NCOA4: variants seen among roughly 807,000 people sequenced by gnomAD.
The protein encoded by NCOA4 is 70 kDa AR-activator.
Under a neutral mutation model 69.5 loss-of-function variants are expected in NCOA4, and 31 were observed. The ratio of observed to expected loss-of-function variants is 0.45; its 90% CI spans 0.34 to 0.60. The LOEUF (loss-of-function observed/expected upper bound fraction) is 0.60. Ranked by LOEUF, NCOA4 falls within the 20% of genes least tolerant of loss-of-function variation. The probability of loss-of-function intolerance (pLI) is 0.02; values close to 1 mark genes in which losing one functional copy is unlikely to be tolerated. For missense variants in NCOA4, 600 were observed against 719.2 expected (o/e 0.83, Z 1.90); for synonymous variants, 228 against 252.4 (o/e 0.90, Z 0.92).
intron 9 of NCOA4, 65 bp from the exon 10 acceptor site, chr10:46,006,662 C>T (rs1838834162): frequency 4.0e-6 from 6 of 1,504,150 alleles, no homozygotes; most frequent in Non-Finnish European, 4.6e-6. Flanking sequence ...TTTTCCCTGC[C>T]TTAAAGCTCC....
rs781793810 is a variant in NCOA4, at chr10:46,010,566, T to C, written c.1355A>G (p.Lys452Arg). ...CCACATATTCAGGGAATCTTTATGC[T>C]TCTCAGGCTCAGGTTTGGGTTCCAC... ...MPVEPKPEPE[K>R]HKDSLNMWLC... Residue 452 changes from lysine (K) to arginine (R), a missense_variant, in exon 8 of 10, where the codon AAG becomes AGG. Coordinates refer to ENST00000581486, the MANE Select transcript of NCOA4 (RefSeq NM_001145263.2). 5 of 1,614,208 alleles carry C rather than the reference T, an allele frequency of 3.1e-6. No individual in the cohort carries two copies. The Admixed American group carries it at 8.3e-5, about 27-fold the overall frequency.
At chr10:46,009,260 T>G in intron 9 of NCOA4, 151 bp downstream of exon 9, 1 of 1,496,292 alleles carries the variant, frequency 6.7e-7, no homozygotes, top group Non-Finnish European at 9.2e-7. Context: ...CAACTTTTTA[T>G]GAGCTCCCCC....
chr10:46,013,612 C>T lies in NCOA4; in HGVS notation c.508G>A (p.Ala170Thr). The T allele has an allele frequency of 6.2e-7, 1 of 1,613,298 alleles. No individual in the cohort carries two copies. Among genetic ancestry groups the T allele is most frequent in the Non-Finnish European group, 8.5e-7 (1 of 1,179,446 alleles). ...AAGGGCCCAATATTTGCTGAACTAG[C>T]ATGAGCCATCAAGTGCTCAGGAATT... ...IQIPEHLMAH[A>T]SSANIGPFLE... The change falls in exon 6 of 10, where the codon GCT becomes ACT. Residue 170 changes from alanine (A) to threonine (T), a missense_variant. Physicochemically the swap from Ala to Thr is moderately conservative, Grantham distance 58. Transcript: ENST00000581486.
intron 1 of NCOA4, among the ~76,000 whole-genome samples, chr10:46,026,251 G>A (rs1307766804): frequency 6.6e-6 from 1 of 152,090 alleles, no homozygotes; most frequent in Admixed American, 6.5e-5. Flanking sequence ...AGCTGGCAAG[G>A]GTGTTGCCAC....
intron 1 of NCOA4, among the ~76,000 whole-genome samples, chr10:46,018,423 T>TA (rs782419326): frequency 7.2e-5 from 11 of 152,326 alleles, no homozygotes; most frequent in Admixed American, 5.9e-4. Context: ...AAAAATAACT[T>TA]ACACACTATT....
chr10:46,017,840 A>G (rs1287117971), intron 1 of NCOA4, among the ~76,000 whole-genome samples: 1 of 152,240 alleles, frequency 6.6e-6, no homozygotes, highest in Admixed American at 6.5e-5. Flanking sequence ...AAAACTTGAC[A>G]AAAGCTACTG....
Position 46,009,072 on chromosome 10 carries a change from C to T in NCOA4, c.1839+339G>A. The T allele has an allele frequency of 2.6e-6, 3 of 1,169,840 alleles. No individual in the cohort carries two copies. In the South Asian group the frequency reaches 4.1e-5, roughly 16 times the overall value. The allele number at this position is 1,169,840 out of a possible 1,614,324, so 72.5% of individuals were successfully genotyped here. On this transcript the variant is annotated intron_variant, in intron 9 of 9. Coordinates refer to ENST00000581486, the MANE Select transcript of NCOA4 (RefSeq NM_001145263.2). The stretch of plus-strand genomic sequence containing the variant: ...ATGGGAAACCAAAGTATTTGTGTAG[C>T]TCTCTTTATTGGGATATTTGCTTTA...
chr10:46,013,049 T>TGTCA (rs781935832), intron 6 of NCOA4, 23 bp from the exon 7 acceptor site: 2 of 1,612,368 alleles, frequency 1.2e-6, no homozygotes, highest in South Asian at 2.2e-5. Flanking sequence ...AAACAAGGAA[T>TGTCA]GTCAAATGCA....
chr10:46,021,370 C>T (rs1554924334), intron 1 of NCOA4, among the ~76,000 whole-genome samples: 1 of 152,142 alleles, frequency 6.6e-6, no homozygotes, highest in African/African-American at 2.4e-5. Flanking sequence ...GCCACAAAAG[C>T]CCAGATAGTT....
At chr10:46,024,129 G>A (rs1840040250) in intron 1 of NCOA4, among the ~76,000 whole-genome samples, 1 of 152,130 alleles carries the variant, frequency 6.6e-6, no homozygotes, top group Admixed American at 6.5e-5. Context: ...TACAATTTCT[G>A]GGACCCCAAT....
chr10:46,015,346 CTT>C (rs1386727369), intron 2 of NCOA4, 80 bp from the exon 3 acceptor site: 4 of 372,780 alleles, frequency 1.1e-5, no homozygotes, highest in Non-Finnish European at 1.6e-5. Flanking sequence ...GTTTCTAAAA[CTT>C]TTTTTGGGGG....
Position 46,006,606 on chromosome 10 carries a change from A to G in NCOA4, c.1840-9T>C. The G allele has an allele frequency of 2.5e-6, 4 of 1,614,002 alleles. No homozygotes were observed. Among genetic ancestry groups the G allele is most frequent in the South Asian group, 2.2e-5 (2 of 91,068 alleles). On this transcript the variant is annotated splice_polypyrimidine_tract_variant and intron_variant, in intron 9 of 9. Coordinates refer to ENST00000581486, the MANE Select transcript of NCOA4 (RefSeq NM_001145263.2). Reference sequence around the variant, plus strand: ...TGTCCATTCCTTCACATCTGTAAAGAGACACCCACAGATGATAAGTTACTT... The same window carrying G: ...TGTCCATTCCTTCACATCTGTAAAGGGACACCCACAGATGATAAGTTACTT...
intron 6 of NCOA4, 65 bp downstream of exon 6, chr10:46,013,485 A>G: frequency 1.6e-6 from 2 of 1,215,788 alleles, no homozygotes; most frequent in East Asian, 2.3e-5. Flanking sequence ...TTAATGCTAT[A>G]TAAAACCCAA....
In NCOA4 at chr10:46,011,035, G is replaced by T; in HGVS notation, c.886C>A (p.Gln296Lys). 1 of 1,613,918 alleles carries T rather than the reference G, an allele frequency of 6.2e-7. No homozygotes were observed. The highest frequency in any genetic ancestry group is 8.5e-7 in the Non-Finnish European group (1 of 1,179,858). The change falls in exon 8 of 10, where the codon CAA becomes AAA. Residue 296 changes from glutamine (Q) to lysine (K), a missense_variant. Physicochemically the swap from Gln to Lys is moderately conservative, Grantham distance 53. Coordinates refer to ENST00000581486, the MANE Select transcript of NCOA4 (RefSeq NM_001145263.2). ...EKVGDQELPD[Q>K]DEMDLSDWLV... Reference sequence around the variant, plus strand: ...CAATCTGATAGGTCCATCTCATCTTGATCAGGAAGCTCTTGATCTCCAACC... The same window carrying T: ...CAATCTGATAGGTCCATCTCATCTTTATCAGGAAGCTCTTGATCTCCAACC...
Position 46,022,230 on chromosome 10 carries a change from A to G in NCOA4, c.-14-5536T>C, listed in dbSNP as rs544391308. Reference sequence around the variant, plus strand: ...TACTTATTTGCCTGGCATCCTAGTCATTGCTAAAAGGCCAAGCGCAGCATC... The same window carrying G: ...TACTTATTTGCCTGGCATCCTAGTCGTTGCTAAAAGGCCAAGCGCAGCATC... On this transcript the variant is annotated intron_variant, in intron 1 of 9. Coordinates refer to ENST00000581486, the MANE Select transcript of NCOA4 (RefSeq NM_001145263.2). 2.8e-3 allele frequency among the ~76,000 whole-genome samples: 431 copies of G among 152,190 alleles called. 4 individuals carry two copies. The highest frequency in any genetic ancestry group is 9.9e-3 in the African/African-American group (411 of 41,520).
chr10:46,013,721 G>A, intron 5 of NCOA4, 82 bp from the exon 6 acceptor site: 1 of 932,738 alleles, frequency 1.1e-6, no homozygotes, highest in Non-Finnish European at 1.7e-6. Context: ...TTTCAAAAAT[G>A]TTAAAGCATT....
rs782073575 is a variant in NCOA4 at position 46,009,147 on chromosome 10, CTA to C, written c.1839+262_1839+263del. On this transcript the variant is annotated intron_variant, in intron 9 of 9. Transcript: ENST00000581486. ...ACCTTCGAGGTAGGTATATAAACTA[CTA>C]GAATCCACATGGGATCTGAAAATTC... The C allele has an allele frequency of 1.9e-5, 29 of 1,549,888 alleles. No individual in the cohort carries two copies. In the South Asian group the frequency reaches 3.2e-4, roughly 17 times the overall value.
intron 1 of NCOA4, chr10:46,022,528 C>T (rs1221572966): frequency 9.1e-6 from 4 of 439,416 alleles, no homozygotes; most frequent in Middle Eastern, 1.5e-3. Flanking sequence ...TGCAGTGGCG[C>T]GATCTCACTG....
intron 1 of NCOA4, among the ~76,000 whole-genome samples, chr10:46,029,834 T>C (rs1415485378): frequency 6.6e-6 from 1 of 152,226 alleles, no homozygotes; most frequent in East Asian, 1.9e-4. Context: ...GTCCATTTTT[T>C]TCATTGCTAT....
Sources: gnomAD v4.1 joint callset for allele counts (sites outside exome capture counted in the v4.1 genomes callset) on GRCh38, gnomAD v4.1.1 for gene constraint, MANE v1.5 for transcripts, NCBI Gene and HGNC (gene_info 2026-07-23, HGNC 2026-07-21) for gene names.